The following ROBO2 variants were observed in gnomAD, a reference collection of about 807,000 sequenced individuals.
The protein encoded by ROBO2 is roundabout guidance receptor 2.
Under a neutral mutation model 160.8 loss-of-function variants are expected in ROBO2, and 53 were observed. The ratio of observed to expected loss-of-function variants is 0.33; its 90% CI spans 0.26 to 0.41. ROBO2 has a LOEUF of 0.41. ROBO2 is among the 10% of genes least tolerant of loss of function. ROBO2 has a pLI of 1.00. For synonymous variants in ROBO2, 664 were observed against 611.7 expected (o/e 1.09, Z -1.26); for missense variants, 1,577 against 1,722.4 (o/e 0.92, Z 1.49).
intron 2 of ROBO2, among the ~76,000 whole-genome samples, chr3:76,030,252 G>A (rs574919735): frequency 6.6e-6 from 1 of 151,126 alleles, no homozygotes; most frequent in Non-Finnish European, 1.5e-5. Context: ...GTTCCTTGTA[G>A]ATTCTGGAAA....
intron 2 of ROBO2, among the ~76,000 whole-genome samples, chr3:76,005,209 T>C (rs564102049): frequency 1.3e-5 from 2 of 152,332 alleles, no homozygotes; most frequent in East Asian, 1.9e-4. Context: ...AATATACATG[T>C]ATTGCATTTG....
intron 2 of ROBO2, among the ~76,000 whole-genome samples, chr3:76,900,244 A>G (rs566779391): frequency 2.0e-5 from 3 of 152,154 alleles, no homozygotes; most frequent in Non-Finnish European, 4.4e-5. Flanking sequence ...TGTGGGAATT[A>G]TGGAAACTAC....
In ROBO2 at chr3:76,014,112, G is replaced by C. The variant is rs371844220; in HGVS notation, c.109+76510G>C. Among the ~76,000 whole-genome samples the C allele has an allele frequency of 7.4e-5, 11 of 149,248 alleles. No homozygotes were observed. The East Asian group carries it at 1.9e-3, about 25-fold the overall frequency. On this transcript the variant is annotated intron_variant, in intron 2 of 26. Transcript: ENST00000487694. ...GTAATATGTATAAAGGCAATTGGCAGCTGGGTACAGTGGCTTATGCGTGTA... is the reference window on the plus strand; with the variant it reads ...GTAATATGTATAAAGGCAATTGGCACCTGGGTACAGTGGCTTATGCGTGTA...
chr3:76,510,140 T>C (rs2081008785), intron 2 of ROBO2, among the ~76,000 whole-genome samples: 2 of 152,192 alleles, frequency 1.3e-5, no homozygotes, highest in African/African-American at 4.8e-5. Context: ...CGTGCATGCA[T>C]TACTCACTGT....
Position 76,644,391 on chromosome 3 carries a change from C to T in ROBO2, c.110-453623C>T, listed in dbSNP as rs868628140. 1.1e-4 allele frequency among the ~76,000 whole-genome samples: 17 copies of T among 152,270 alleles called. No individual in the cohort carries two copies. In the Middle Eastern group the frequency reaches 0.014, roughly 122 times the overall value. On this transcript the variant is annotated intron_variant, in intron 2 of 26. Transcript: ENST00000487694. The stretch of plus-strand genomic sequence containing the variant: ...AAAACGAGATTTGCATTTGACCAGT[C>T]TCACCCATGTCAATCACTCCTGATT...
chr3:76,268,144 C>A (rs535881445), intron 2 of ROBO2, among the ~76,000 whole-genome samples: 29 of 152,186 alleles, frequency 1.9e-4, no homozygotes, highest in African/African-American at 7.0e-4. Context: ...GTGGTGTGTG[C>A]CTGTAGTCTC....
intron 2 of ROBO2, among the ~76,000 whole-genome samples, chr3:76,559,254 A>C (rs1312327839): frequency 1.3e-5 from 2 of 152,160 alleles, no homozygotes; most frequent in Non-Finnish European, 2.9e-5. Context: ...AAATCTATGA[A>C]TCTCTTGCAA....
chr3:76,286,373 A>G (rs188167222), intron 2 of ROBO2, among the ~76,000 whole-genome samples: 48 of 152,318 alleles, frequency 3.2e-4, no homozygotes, highest in African/African-American at 1.1e-3. Flanking sequence ...GTCTAGTGCA[A>G]AACTCTTGTG....
intron 2 of ROBO2, among the ~76,000 whole-genome samples, chr3:76,989,852 C>T (rs1379870133): frequency 6.6e-6 from 1 of 152,068 alleles, no homozygotes; most frequent in Non-Finnish European, 1.5e-5. Context: ...ATGTGTGTGT[C>T]CACAGGCCCA....
chr3:76,729,029 A>C (rs1361035238), intron 2 of ROBO2, among the ~76,000 whole-genome samples: 2 of 152,050 alleles, frequency 1.3e-5, no homozygotes, highest in Non-Finnish European at 2.9e-5. Context: ...TCTTATAGTC[A>C]CAATAAATGT....
At chr3:76,902,646 AC>A (rs1375188582) in intron 2 of ROBO2, among the ~76,000 whole-genome samples, 1 of 151,910 alleles carries the variant, frequency 6.6e-6, no homozygotes, top group Non-Finnish European at 1.5e-5. Flanking sequence ...ATAGCTTTTA[AC>A]ATTTTCCCTG....
intron 2 of ROBO2, among the ~76,000 whole-genome samples, chr3:76,308,582 C>T (rs754193856): frequency 5.9e-5 from 9 of 152,110 alleles, no homozygotes; most frequent in Non-Finnish European, 1.3e-4. Flanking sequence ...TCTCATTGGA[C>T]TGCCTCTCCT....
At chr3:77,119,095 A>G (rs2074487318) in intron 2 of ROBO2, among the ~76,000 whole-genome samples, 1 of 152,026 alleles carries the variant, frequency 6.6e-6, no homozygotes, top group Non-Finnish European at 1.5e-5. Flanking sequence ...AGTGTTTAGC[A>G]CTTCCCCCTT....
intron 2 of ROBO2, among the ~76,000 whole-genome samples, chr3:76,097,522 A>G (rs2069503898): frequency 6.6e-6 from 1 of 152,136 alleles, no homozygotes. Flanking sequence ...GAGTATTGTG[A>G]TAGGCAAGAC....
Position 76,262,193 on chromosome 3 carries a change from A to G in ROBO2, c.109+324591A>G, listed in dbSNP as rs17140602. ...TTCAGTAAACTAGACAATTGTATTT[A>G]AAAGCTAAATCCAGAACATTTAATA... On this transcript the variant is annotated intron_variant, in intron 2 of 26. Coordinates refer to the ROBO2 transcript ENST00000487694. 8.6e-3 allele frequency among the ~76,000 whole-genome samples: 1,313 copies of G among 152,218 alleles called. 11 individuals carry two copies. Among genetic ancestry groups the G allele is most frequent in the African/African-American group, 0.027 (1,120 of 41,550 alleles).
intron 2 of ROBO2, among the ~76,000 whole-genome samples, chr3:75,966,482 A>C (rs1025048071): frequency 6.6e-6 from 1 of 151,686 alleles, no homozygotes; most frequent in African/African-American, 2.4e-5. Context: ...AGACTTTATA[A>C]TTAGTTGGAT....
At chr3:75,965,377 A>G (rs1949068646) in intron 2 of ROBO2, among the ~76,000 whole-genome samples, 1 of 10,210 alleles carries the variant, frequency 9.8e-5, no homozygotes, top group African/African-American at 1.4e-4. Context: ...GAATGGATGT[A>G]TTTGTCTTGT....
intron 2 of ROBO2, among the ~76,000 whole-genome samples, chr3:76,732,846 T>C (rs2093656778): frequency 2.0e-5 from 3 of 152,168 alleles, no homozygotes; most frequent in Non-Finnish European, 4.4e-5. Context: ...GCTTTTGTTC[T>C]AATACGCATT....
intron 2 of ROBO2, among the ~76,000 whole-genome samples, chr3:76,574,961 C>G (rs1424338074): frequency 2.6e-5 from 4 of 152,212 alleles, no homozygotes; most frequent in African/African-American, 9.6e-5. Flanking sequence ...CAAAATTTGC[C>G]CTTATCATTC....
Sources: allele counts gnomAD v4.1 joint callset (sites outside exome capture counted in the v4.1 genomes callset), GRCh38; gene constraint gnomAD v4.1.1; transcripts MANE v1.5; gene names NCBI Gene and HGNC (gene_info 2026-07-23, HGNC 2026-07-21).